CD14: variants seen among roughly 807,000 people sequenced by gnomAD.
CD14 encodes monocyte differentiation antigen CD14.
A neutral mutation model predicts 2.5 loss-of-function variants in CD14; 4 were observed. The observed-to-expected ratio is 1.63, with a 90% CI of 0.80 to 3.72. The LOEUF (loss-of-function observed/expected upper bound fraction) is 3.72, where lower values mean the gene tolerates loss of function less well. Among genes scored for constraint, CD14 ranks in the 30% most tolerant of loss-of-function variants. The pLI is 0.01. For synonymous variants in CD14, 236 were observed against 235.1 expected, an observed-to-expected ratio of 1.00 and a Z score of -0.04; for missense variants, 478 against 497.8, an observed-to-expected ratio of 0.96 and a Z score of 0.38.
chr5:140,632,967 CAGG>C lies in CD14; in HGVS notation c.14_16del (p.Ser5del). On this transcript the variant is annotated inframe_deletion, in exon 2 of 2. Coordinates refer to ENST00000302014, the MANE Select transcript of CD14 (RefSeq NM_000591.4). The surrounding 1 kb of genome is among the most constrained non-coding windows in gnomAD (Gnocchi z 6.2). ...CAGCGGCAGCAGCAGCAGCAACAAG[CAGG>C]ACGCGCGCTCCTGGGGAGAGAGCAG... 6.2e-7 allele frequency: 1 copy of C among 1,614,156 alleles called. No homozygotes were observed. The highest frequency in any genetic ancestry group is 1.1e-5 in the South Asian group (1 of 91,078).
chr5:140,633,210 C>G (rs974997255), upstream of CD14: 2 of 1,065,666 alleles, frequency 1.9e-6, no homozygotes, highest in African/African-American at 3.1e-5. Flanking sequence ...TTTATGTAAT[C>G]CTGGGATGTC....
rs765666731 is a variant in CD14 at position 140,631,805 on chromosome 5, C to T, written c.*51G>A. 8.7e-6 allele frequency: 13 copies of T among 1,492,130 alleles called. No homozygotes were observed. The highest frequency in any genetic ancestry group is 1.4e-5 in the African/African-American group (1 of 71,418). The allele number at this position is 1,492,130 out of a possible 1,614,324, so 92.4% of individuals were successfully genotyped here. A position where few individuals can be genotyped will look rare whatever the true frequency, so the allele number is the denominator to read the frequency against. On this transcript the variant is annotated 3_prime_UTR_variant, in exon 2 of 2. Transcript: ENST00000302014. ...AAAAGTCCTCAACGTCCTGACGGGACTCCCCTGAAGCCAAGGCAGTTTGAG... is the reference window on the plus strand; with the variant it reads ...AAAAGTCCTCAACGTCCTGACGGGATTCCCCTGAAGCCAAGGCAGTTTGAG...
chr5:140,631,760 G>T lies in CD14; in HGVS notation c.*96C>A. 4.3e-6 allele frequency: 5 copies of T among 1,154,482 alleles called. No individual in the cohort carries two copies. The highest frequency in any genetic ancestry group is 5.0e-6 in the Non-Finnish European group (4 of 806,232). The allele number at this position is 1,154,482 out of a possible 1,614,324, so 71.5% of individuals were successfully genotyped here. Reference sequence around the variant, plus strand: ...TGTTTAAGATTTTAATAAAGGTGGGGCAAAGGGTTGAATTGGTCGAAAAGT... The same window carrying T: ...TGTTTAAGATTTTAATAAAGGTGGGTCAAAGGGTTGAATTGGTCGAAAAGT... On this transcript the variant is annotated 3_prime_UTR_variant, in exon 2 of 2. Coordinates refer to ENST00000302014, the MANE Select transcript of CD14 (RefSeq NM_000591.4).
At position 140,632,958 on chromosome 5, in the gene CD14, A is replaced by G. The variant is rs746483705; in HGVS notation, c.26T>C (p.Leu9Pro). 1.2e-6 allele frequency: 2 copies of G among 1,614,162 alleles called. No individual in the cohort carries two copies. Among genetic ancestry groups the G allele is most frequent in the East Asian group, 4.5e-5 (2 of 44,884 alleles). ...GACGTGCACCAGCGGCAGCAGCAGC[A>G]GCAACAAGCAGGACGCGCGCTCCTG... Reference protein sequence around the residue: MERASCLLLLLLPLVHVSA... With the variant: MERASCLLPLLLPLVHVSA... Residue 9 changes from leucine to proline, a missense_variant, in exon 2 of 2, where the codon CTG becomes CCG. By Grantham distance (98) the Leu-to-Pro change is moderately conservative. Coordinates refer to ENST00000302014, the MANE Select transcript of CD14 (RefSeq NM_000591.4). This position sits in a 1 kb window ranked among gnomAD's most constrained non-coding sequence, Gnocchi z 6.2.
At position 140,631,832 on chromosome 5, in the gene CD14, C is replaced by T; in HGVS notation, c.*24G>A. On this transcript the variant is annotated 3_prime_UTR_variant, in exon 2 of 2. Transcript: ENST00000302014. Reference sequence around the variant, plus strand: ...CCCCTGAAGCCAAGGCAGTTTGAGTCCATTCATTATTCTGTCTTGGATCTT... The same window carrying T: ...CCCCTGAAGCCAAGGCAGTTTGAGTTCATTCATTATTCTGTCTTGGATCTT... 1 of 1,520,320 alleles carries T rather than the reference C, an allele frequency of 6.6e-7. No individual in the cohort carries two copies. 94.2% of individuals were successfully genotyped at this position (1,520,320 alleles called of 1,614,324 possible). A position where few individuals can be genotyped will look rare whatever the true frequency, so the allele number is the denominator to read the frequency against.
At position 140,632,233 on chromosome 5, in the gene CD14, G is replaced by A. The variant is rs754095720; in HGVS notation, c.751C>T (p.Pro251Ser). The change falls in exon 2 of 2, where the codon CCC becomes TCC. Residue 251 changes from proline to serine, a missense_variant. By Grantham distance (74) the Pro-to-Ser change is moderately conservative (BLOSUM62 -1). Transcript: ENST00000302014. The surrounding 1 kb of genome is among the most constrained non-coding windows in gnomAD (Gnocchi z 6.2). ...TTGTGGCTGAGGTCTAGGCTGTGGG[G>A]CTGCACACCTGCCGCCGCCAGTGCG... ...CAALAAAGVQPHSLDLSHNSL... is the reference protein window; with the variant it reads ...CAALAAAGVQSHSLDLSHNSL... 1 of 1,613,592 alleles carries A rather than the reference G, an allele frequency of 6.2e-7. No individual in the cohort carries two copies. Among genetic ancestry groups the A allele is most frequent in the South Asian group, 1.1e-5 (1 of 91,082 alleles).
chr5:140,631,767 G>T lies in CD14; in HGVS notation c.*89C>A. 8.1e-7 allele frequency: 1 copy of T among 1,239,348 alleles called. No homozygotes were observed. The highest frequency in any genetic ancestry group is 1.1e-6 in the Non-Finnish European group (1 of 881,990). The allele number at this position is 1,239,348 out of a possible 1,614,324, so 76.8% of individuals were successfully genotyped here. ...GATTTTAATAAAGGTGGGGCAAAGG[G>T]TTGAATTGGTCGAAAAGTCCTCAAC... On this transcript the variant is annotated 3_prime_UTR_variant, in exon 2 of 2. Transcript: ENST00000302014.
In CD14 at chr5:140,633,162, G is replaced by A; in HGVS notation, c.-91C>T. 6.5e-7 allele frequency: 1 copy of A among 1,547,102 alleles called. No homozygotes were observed. The highest frequency in any genetic ancestry group is 8.8e-7 in the Non-Finnish European group (1 of 1,130,136). ...ACACAGCGGCACCCGCCGGCTTCCA[G>A]GCTTCACACTTGTGAACTCTTCGGC... On this transcript the variant is annotated 5_prime_UTR_variant, in exon 1 of 2. Transcript: ENST00000302014.
rs1295195753 is a variant in CD14, at chr5:140,632,224, G to A, written c.760C>T (p.Leu254=). 1.9e-6 allele frequency: 3 copies of A among 1,613,636 alleles called. No individual in the cohort carries two copies. The highest frequency in any genetic ancestry group is 1.1e-5 in the South Asian group (1 of 91,076). Residue 254 remains leucine, a synonymous_variant, in exon 2 of 2, where the codon CTA becomes TTA. Coordinates refer to ENST00000302014, the MANE Select transcript of CD14 (RefSeq NM_000591.4). This position sits in a 1 kb window ranked among gnomAD's most constrained non-coding sequence, Gnocchi z 6.2. ...LAAAGVQPHS[L]DLSHNSLRAT... The stretch of plus-strand genomic sequence containing the variant: ...CGCAGCGAGTTGTGGCTGAGGTCTA[G>A]GCTGTGGGGCTGCACACCTGCCGCC...
intron 1 of CD14, 31 bp from the exon 2 acceptor site, chr5:140,633,011 C>A: frequency 6.2e-7 from 1 of 1,614,110 alleles, no homozygotes; most frequent in Non-Finnish European, 8.5e-7. Flanking sequence ...TAGGAGGCCC[C>A]ATCCAACCCC....
rs749620578 is a variant in CD14, at chr5:140,632,035, C to A, written c.949G>T (p.Glu317Ter). 1.9e-6 allele frequency: 3 copies of A among 1,614,096 alleles called. No individual in the cohort carries two copies. Among genetic ancestry groups the A allele is most frequent in the South Asian group, 1.1e-5 (1 of 91,096 alleles). The part of the protein sequence containing the change: ...NRLNRAPQPD[E>*]LPEVDNLTLD... The stretch of plus-strand genomic sequence containing the variant: ...GTCAGGTTATCCACCTCGGGCAGCT[C>A]GTCAGGCTGCGGCGCCCTGTTCAGT... Residue 317 changes from glutamate to a stop codon, truncating the protein, a stop_gained, in exon 2 of 2, where the codon GAG becomes TAG. Transcript: ENST00000302014. LOFTEE classifies it low-confidence loss of function (END_TRUNC). This position sits in a 1 kb window ranked among gnomAD's most constrained non-coding sequence, Gnocchi z 6.2.
upstream of CD14, chr5:140,633,265 C>T (rs907939420): frequency 2.9e-6 from 2 of 689,856 alleles, no homozygotes; most frequent in Non-Finnish European, 5.1e-6. Context: ...CCCCACCTCT[C>T]TTCCTCCGAG....
Position 140,633,163 on chromosome 5 carries a change from G to T in CD14, c.-92C>A. ...CACAGCGGCACCCGCCGGCTTCCAG[G>T]CTTCACACTTGTGAACTCTTCGGCT... On this transcript the variant is annotated 5_prime_UTR_variant, in exon 1 of 2. Transcript: ENST00000302014. The T allele has an allele frequency of 1.3e-6, 2 of 1,541,854 alleles. No individual in the cohort carries two copies. Among genetic ancestry groups the T allele is most frequent in the Non-Finnish European group, 1.8e-6 (2 of 1,125,770 alleles).
chr5:140,632,858 C>A lies in CD14; in HGVS notation c.126G>T (p.Gln42His). The A allele has an allele frequency of 6.2e-7, 1 of 1,614,138 alleles. No individual in the cohort carries two copies. The highest frequency in any genetic ancestry group is 1.6e-4 in the Middle Eastern group (1 of 6,062). Residue 42 changes from glutamine to histidine, a missense_variant, in exon 2 of 2, where the codon CAG becomes CAT. By Grantham distance (24) the Gln-to-His change is conservative. Transcript: ENST00000302014. This position sits in a 1 kb window ranked among gnomAD's most constrained non-coding sequence, Gnocchi z 6.2. Reference protein sequence around the residue: ...FRCVCNFSEPQPDWSEAFQCV... With the variant: ...FRCVCNFSEPHPDWSEAFQCV... Reference sequence around the variant, plus strand: ...ACTGGAAGGCTTCGGACCAGTCGGGCTGAGGTTCGGAGAAGTTGCAGACGC... The same window carrying A: ...ACTGGAAGGCTTCGGACCAGTCGGGATGAGGTTCGGAGAAGTTGCAGACGC...
In CD14 at chr5:140,632,893, C is replaced by G. The variant is rs750343901; in HGVS notation, c.91G>C (p.Asp31His). 1.2e-6 allele frequency: 2 copies of G among 1,614,196 alleles called. No individual in the cohort carries two copies. The highest frequency in any genetic ancestry group is 1.7e-5 in the Admixed American group (1 of 60,028). The change falls in exon 2 of 2, where the codon GAT becomes CAT. Residue 31 changes from aspartate to histidine, a missense_variant. By Grantham distance (81) the Asp-to-His change is moderately conservative (BLOSUM62 -1). Coordinates refer to ENST00000302014, the MANE Select transcript of CD14 (RefSeq NM_000591.4). This position sits in a 1 kb window ranked among gnomAD's most constrained non-coding sequence, Gnocchi z 6.2. The part of the protein sequence containing the change: ...TPEPCELDDE[D>H]FRCVCNFSEP... ...GAGAAGTTGCAGACGCAGCGGAAAT[C>G]TTCATCGTCCAGCTCACAAGGTTCT...
chr5:140,632,331 G>C lies in CD14; in HGVS notation c.653C>G (p.Pro218Arg). ...ATTCTGGATGGCCGGGAACTTGTGG[G>C]GACAGAGAGCCGCCATCAGTCCGCG... ...GERGLMAALC[P>R]HKFPAIQNLA... Residue 218 changes from proline to arginine, a missense_variant, in exon 2 of 2, where the codon CCC (proline) becomes CGC (arginine). Physicochemically the swap from Pro to Arg is moderately radical, Grantham distance 103. Transcript: ENST00000302014. The surrounding 1 kb of genome is among the most constrained non-coding windows in gnomAD (Gnocchi z 6.2). 6.2e-7 allele frequency: 1 copy of C among 1,614,078 alleles called. No homozygotes were observed.
At position 140,632,186 on chromosome 5, in the gene CD14, GT is replaced by G. The variant is rs746358757; in HGVS notation, c.797del (p.Asn266ThrfsTer13). The G allele has an allele frequency of 6.2e-7, 1 of 1,613,814 alleles. No individual in the cohort carries two copies. Among genetic ancestry groups the G allele is most frequent in the Non-Finnish European group, 8.5e-7 (1 of 1,179,806 alleles). On this transcript the variant is annotated frameshift_variant, in exon 2 of 2. Coordinates refer to ENST00000302014, the MANE Select transcript of CD14 (RefSeq NM_000591.4). LOFTEE classifies it low-confidence loss of function (END_TRUNC). This position sits in a 1 kb window ranked among gnomAD's most constrained non-coding sequence, Gnocchi z 6.2. Reference sequence around the variant, plus strand: ...ACCACATGCATCTCGGAGCGCTAGGGTTTACGGTGGCGCGCAGCGAGTTGTG... The same window carrying G: ...ACCACATGCATCTCGGAGCGCTAGGGTTACGGTGGCGCGCAGCGAGTTGTG... ...LSHNSLRATVNPSAPRCMWSS... is the reference protein window; with the variant it reads ...LSHNSLRATVXPSAPRCMWSS...
Position 140,632,132 on chromosome 5 carries a change from C to A in CD14, c.852G>T (p.Ser284=). 1 of 1,614,158 alleles carries A rather than the reference C, an allele frequency of 6.2e-7. No individual in the cohort carries two copies. Among genetic ancestry groups the A allele is most frequent in the Admixed American group, 1.7e-5 (1 of 60,024 alleles). ...TAGGCACCTGTTCCAGCCCAGCGAA[C>A]GACAGATTGAGGGAGTTCAGGGCGC... ...WSSALNSLNL[S]FAGLEQVPKG... Residue 284 remains serine (S), a synonymous_variant, in exon 2 of 2, where the codon TCG becomes TCT. Coordinates refer to ENST00000302014, the MANE Select transcript of CD14 (RefSeq NM_000591.4). The surrounding 1 kb of genome is among the most constrained non-coding windows in gnomAD (Gnocchi z 6.2).
chr5:140,632,860 G>A lies in CD14; in HGVS notation c.124C>T (p.Gln42Ter), dbSNP rs763569531. ...FRCVCNFSEPQPDWSEAFQCV... is the reference protein window; with the variant it reads ...FRCVCNFSEP ...TGGAAGGCTTCGGACCAGTCGGGCT[G>A]AGGTTCGGAGAAGTTGCAGACGCAG... Residue 42 changes from glutamine (Q) to a stop codon, truncating the protein, a stop_gained, in exon 2 of 2, where the codon CAG (glutamine) becomes TAG (stop). Transcript: ENST00000302014. LOFTEE classifies it low-confidence loss of function (END_TRUNC). This position sits in a 1 kb window ranked among gnomAD's most constrained non-coding sequence, Gnocchi z 6.2. 1.9e-6 allele frequency: 3 copies of A among 1,614,044 alleles called. No individual in the cohort carries two copies. Among genetic ancestry groups the A allele is most frequent in the Admixed American group, 1.7e-5 (1 of 60,010 alleles).
Sources: gnomAD v4.1 joint callset for allele counts on GRCh38, gnomAD v4.1.1 for gene constraint, Gnocchi (gnomAD v3.1) non-coding constraint, MANE v1.5 for transcripts, NCBI Gene and HGNC (gene_info 2026-07-23, HGNC 2026-07-21) for gene names.